ERC1: variants seen among roughly 807,000 people sequenced by gnomAD.
ERC1 encodes the protein RAB6 interacting protein 2.
ERC1 carries 56 observed loss-of-function variants against 132.0 expected under a neutral mutation model. The observed-to-expected ratio is 0.42, with a 90% CI of 0.34 to 0.53. The LOEUF is 0.53. ERC1 is among the 20% of genes least tolerant of loss of function. ERC1 has a pLI of 0.03. For synonymous variants in ERC1, 478 were observed against 476.1 expected, an observed-to-expected ratio of 1.00 and a Z score of -0.05; for missense variants, 1,202 against 1,349.9, an observed-to-expected ratio of 0.89 and a Z score of 1.72.
At chr12:1,204,437 T>A in intron 12 of ERC1, 3 of 1,368,586 alleles carry the variant, frequency 2.2e-6, no homozygotes, top group Non-Finnish European at 3.0e-6. Context: ...CTGAATATTG[T>A]CCTTATTAAT....
chr12:1,108,514 CT>C (rs1945501355), intron 4 of ERC1, among the ~76,000 whole-genome samples: 1 of 152,104 alleles, frequency 6.6e-6, no homozygotes, highest in African/African-American at 2.4e-5. Flanking sequence ...CTTTCACTTT[CT>C]TTCATTTGTA....
At chr12:1,117,678 A>G (rs1946595086) in intron 7 of ERC1, among the ~76,000 whole-genome samples, 1 of 151,782 alleles carries the variant, frequency 6.6e-6, no homozygotes, top group Non-Finnish European at 1.5e-5. Flanking sequence ...TTAGAATTAA[A>G]CTCGTTTATT....
At position 1,076,990 on chromosome 12, in the gene ERC1, C is replaced by T. The variant is rs114983928; in HGVS notation, c.670-6174C>T. Among the ~76,000 whole-genome samples the T allele has an allele frequency of 6.0e-3, 915 of 152,238 alleles. 10 individuals are homozygous for T. Among genetic ancestry groups the T allele is most frequent in the African/African-American group, 0.02 (844 of 41,538 alleles). ...GGAACATCAGATAGCCCAACCAAAC[C>T]GGAAGCTTGACTTGGTTGACTTAAG... On this transcript the variant is annotated intron_variant, in intron 2 of 18. Transcript: ENST00000360905.
chr12:1,102,793 G>A (rs960115644), intron 3 of ERC1, among the ~76,000 whole-genome samples: 4 of 152,170 alleles, frequency 2.6e-5, no homozygotes, highest in South Asian at 2.1e-4. Context: ...AAAGTAGAGC[G>A]AAGTAAAGGG....
chr12:1,011,515 C>T (rs1056621560), intron 1 of ERC1, among the ~76,000 whole-genome samples: 1 of 152,168 alleles, frequency 6.6e-6, no homozygotes, highest in African/African-American at 2.4e-5. Context: ...CAACATTTTC[C>T]TTTTTAAATA....
At chr12:1,484,219 G>C (rs1018088013) in intron 18 of ERC1, among the ~76,000 whole-genome samples, 7 of 151,826 alleles carry the variant, frequency 4.6e-5, no homozygotes, top group Admixed American at 4.6e-4. Context: ...GCAGGAGGAT[G>C]GTGTGAACCT....
At chr12:1,256,051 A>G (rs181102147) in intron 13 of ERC1, among the ~76,000 whole-genome samples, 1 of 152,140 alleles carries the variant, frequency 6.6e-6, no homozygotes, top group East Asian at 1.9e-4. Flanking sequence ...TCCTTTTGAG[A>G]AGTGTCTGTT....
At chr12:1,299,411 A>G (rs1367698533) in intron 15 of ERC1, among the ~76,000 whole-genome samples, 1 of 152,216 alleles carries the variant, frequency 6.6e-6, no homozygotes, top group Non-Finnish European at 1.5e-5. Context: ...TCTAAATACC[A>G]TGGCTTAGAG....
chr12:1,334,591 A>G (rs149543403), intron 15 of ERC1, among the ~76,000 whole-genome samples: 77 of 152,112 alleles, frequency 5.1e-4, no homozygotes, highest in African/African-American at 1.7e-3. Flanking sequence ...CCATTGGTCT[A>G]TGTGTCTTTG....
At chr12:1,145,248 C>A (rs912423465) in intron 8 of ERC1, among the ~76,000 whole-genome samples, 10 of 152,146 alleles carry the variant, frequency 6.6e-5, no homozygotes, top group African/African-American at 2.4e-4. Flanking sequence ...AACTCCTGAT[C>A]TCAGGTGATC....
At chr12:1,476,452 A>C (rs2093977256) in intron 18 of ERC1, among the ~76,000 whole-genome samples, 1 of 152,146 alleles carries the variant, frequency 6.6e-6, no homozygotes, top group Non-Finnish European at 1.5e-5. Context: ...AAAAAACTAA[A>C]TTAGAAGAAA....
intron 15 of ERC1, among the ~76,000 whole-genome samples, chr12:1,341,163 G>A (rs553004750): frequency 7.6e-5 from 9 of 118,638 alleles, no homozygotes; most frequent in East Asian, 2.7e-4. Context: ...GCGCAATCTC[G>A]GCTCACTGCA....
At chr12:996,387 C>T (rs1031373101) in intron 1 of ERC1, among the ~76,000 whole-genome samples, 3 of 151,094 alleles carry the variant, frequency 2.0e-5, no homozygotes, top group Non-Finnish European at 2.9e-5. Context: ...CAGGCATAAG[C>T]GACCACACCT....
chr12:1,341,332 A>G (rs1251526704), intron 15 of ERC1, among the ~76,000 whole-genome samples: 2 of 151,898 alleles, frequency 1.3e-5, no homozygotes, highest in African/African-American at 2.4e-5. Context: ...CCTGAGGATT[A>G]TAAATCATGC....
rs2094338540 is a variant in ERC1, at chr12:1,493,572, T to TATATATATATATATATATAG, written c.*3348_*3349insATATATATATATAGATATAT. ...AAATATATATATATATATATATATA[T>TATATATATATATATATATAG]ATATATGGATGGGAATCACCAAATT... On this transcript the variant is annotated 3_prime_UTR_variant, in exon 19 of 19. Transcript: ENST00000360905. 1 of 124,094 alleles carries TATATATATATATATATATAG rather than the reference T, an allele frequency of 8.1e-6. No individual in the cohort carries two copies. Among genetic ancestry groups the TATATATATATATATATATAG allele is most frequent in the African/African-American group, 3.0e-5 (1 of 33,866 alleles). The allele number at this position is 124,094 out of a possible 1,614,324, so 7.7% of individuals were successfully genotyped here.
chr12:1,110,417 A>C, intron 5 of ERC1, 70 bp downstream of exon 5: 2 of 1,304,276 alleles, frequency 1.5e-6, no homozygotes, highest in Non-Finnish European at 2.1e-6. Context: ...TTACTTCTCT[A>C]GTGATGATAA....
intron 15 of ERC1, among the ~76,000 whole-genome samples, chr12:1,312,055 C>T (rs1009394495): frequency 6.6e-6 from 1 of 152,180 alleles, no homozygotes; most frequent in African/African-American, 2.4e-5. Context: ...AGGGGTTGGA[C>T]AGCATAATTT....
At chr12:1,058,818 G>T in intron 2 of ERC1, among the ~76,000 whole-genome samples, 1 of 140,136 alleles carries the variant, frequency 7.1e-6, no homozygotes. Context: ...AAGAGACGAG[G>T]TCTTGCTCTC....
chr12:1,376,441 A>G (rs868778900), intron 16 of ERC1, among the ~76,000 whole-genome samples: 1 of 152,180 alleles, frequency 6.6e-6, no homozygotes, highest in Non-Finnish European at 1.5e-5. Context: ...CCCGACTAGT[A>G]TAACTTTTCA....
Sources: gnomAD v4.1 joint callset for allele counts (sites outside exome capture counted in the v4.1 genomes callset) on GRCh38, gnomAD v4.1.1 for gene constraint, MANE v1.5 for transcripts, NCBI Gene and HGNC (gene_info 2026-07-23, HGNC 2026-07-21) for gene names.